EP300: variants seen among roughly 807,000 people sequenced by gnomAD.
EP300 encodes the protein EP300 lysine acetyltransferase.
EP300 carries 31 observed loss-of-function variants against 264.0 expected under a neutral mutation model. The observed-to-expected ratio is 0.12, with a 90% CI of 0.09 to 0.16. EP300 has a LOEUF of 0.16. EP300 is among the 10% of genes least tolerant of loss of function. The pLI, the probability that EP300 is intolerant of heterozygous loss-of-function variation, is 1.00. For synonymous variants in EP300, 1,340 were observed against 1,045.4 expected (o/e 1.28, Z -5.44); for missense variants, 2,766 against 3,052.9 (o/e 0.91, Z 2.21).
intron 27 of EP300, among the ~76,000 whole-genome samples, chr22:41,170,815 T>C (rs1340426037): frequency 2.0e-5 from 3 of 151,736 alleles, no homozygotes; most frequent in Admixed American, 2.0e-4. Flanking sequence ...GCTCCTGCCA[T>C]CACACCCGGC....
At chr22:41,120,874 C>T (rs2058848544) in intron 2 of EP300, among the ~76,000 whole-genome samples, 1 of 152,130 alleles carries the variant, frequency 6.6e-6, no homozygotes, top group East Asian at 1.9e-4. Context: ...ACTGTCATGC[C>T]CTGCCAGTTA....
chr22:41,138,177 T>G (rs919499740), intron 8 of EP300, among the ~76,000 whole-genome samples: 4 of 152,180 alleles, frequency 2.6e-5, no homozygotes, highest in Non-Finnish European at 5.9e-5. Context: ...GTTTTTTGTT[T>G]GTTTGAGATG....
rs2145524889 is a variant in EP300, at chr22:41,178,935, G to C, written c.7224G>C (p.Gln2408His). 6.2e-7 allele frequency: 1 copy of C among 1,614,024 alleles called. No homozygotes were observed. The highest frequency in any genetic ancestry group is 8.5e-7 in the Non-Finnish European group (1 of 1,180,032). The change falls in exon 31 of 31, where the codon CAG (glutamine) becomes CAC (histidine). Residue 2408 changes from glutamine to histidine, a missense_variant. By Grantham distance (24) the Gln-to-His change is conservative (BLOSUM62 0). Coordinates refer to ENST00000263253, the MANE Select transcript of EP300 (RefSeq NM_001429.4). ...CAGACTTGAATTCAAACCTCTCACA[G>C]AGTACACTAGACATACACTAGAGAC... ...DNSDLNSNLS[Q>H]STLDIH
intron 2 of EP300, among the ~76,000 whole-genome samples, chr22:41,121,851 TTTA>T (rs1478846150): frequency 6.6e-6 from 1 of 152,164 alleles, no homozygotes; most frequent in African/African-American, 2.4e-5. Flanking sequence ...GTCTTAGTCT[TTTA>T]TTGTTTGTCA....
chr22:41,156,518 G>A (rs1007936697), intron 17 of EP300, among the ~76,000 whole-genome samples: 2 of 152,056 alleles, frequency 1.3e-5, no homozygotes, highest in African/African-American at 4.8e-5. Context: ...TTCAGGAGTT[G>A]GAGACCAGCC....
intron 7 of EP300, 103 bp downstream of exon 7, chr22:41,136,009 CTT>C (rs1181429433): frequency 2.3e-6 from 2 of 879,158 alleles, no homozygotes; most frequent in African/African-American, 3.3e-5. Flanking sequence ...TTGAGGATGT[CTT>C]TGAATACAGA....
At chr22:41,169,886 C>T (rs2059160491) in intron 26 of EP300, among the ~76,000 whole-genome samples, 1 of 152,142 alleles carries the variant, frequency 6.6e-6, no homozygotes, top group African/African-American at 2.4e-5. Flanking sequence ...GATTTGTGCC[C>T]CTCATTTGAG....
At chr22:41,169,763 C>G in intron 26 of EP300, 147 bp downstream of exon 26, 2 of 643,778 alleles carry the variant, frequency 3.1e-6, no homozygotes, top group South Asian at 3.5e-5. Flanking sequence ...TGTTGGAGCC[C>G]CTTTGAAGTT....
At chr22:41,109,662 A>AGTAG (rs1414083945) in intron 1 of EP300, among the ~76,000 whole-genome samples, 1 of 152,126 alleles carries the variant, frequency 6.6e-6, no homozygotes, top group Non-Finnish European at 1.5e-5. Context: ...AATAACATGA[A>AGTAG]GTAGGCACTT....
chr22:41,118,395 T>C (rs1221805272), intron 2 of EP300, among the ~76,000 whole-genome samples: 1 of 152,234 alleles, frequency 6.6e-6, no homozygotes, highest in Non-Finnish European at 1.5e-5. Context: ...TTTAAACTTT[T>C]AAATGTGGAT....
In EP300 at chr22:41,177,306, C is replaced by G. The variant is rs2059206406; in HGVS notation, c.5595C>G (p.Thr1865=). ...PTTPTGQQPT[T]PQTPQPTSQP... Reference sequence around the variant, plus strand: ...CACCAACTGGCCAACAGCCAACCACCCCGCAGACGCCCCAGCCCACTTCTC... The same window carrying G: ...CACCAACTGGCCAACAGCCAACCACGCCGCAGACGCCCCAGCCCACTTCTC... Residue 1865 remains threonine (T), a synonymous_variant, in exon 31 of 31, where the codon ACC becomes ACG. Coordinates refer to ENST00000263253, the MANE Select transcript of EP300 (RefSeq NM_001429.4). 1 of 1,614,104 alleles carries G rather than the reference C, an allele frequency of 6.2e-7. No homozygotes were observed. Among genetic ancestry groups the G allele is most frequent in the Non-Finnish European group, 8.5e-7 (1 of 1,180,034 alleles).
intron 1 of EP300, among the ~76,000 whole-genome samples, chr22:41,113,193 A>C (rs569147877): frequency 4.7e-5 from 6 of 127,182 alleles, no homozygotes; most frequent in Non-Finnish European, 6.3e-5. Flanking sequence ...TTTGTTGGAG[A>C]AACTGGGACA....
Position 41,158,399 on chromosome 22 carries a change from G to A in EP300, c.3502-13G>A, listed in dbSNP as rs547213630. On this transcript the variant is annotated splice_polypyrimidine_tract_variant and intron_variant, in intron 18 of 30. Transcript: ENST00000263253. Reference sequence around the variant, plus strand: ...AGGCCTCTGTGCTTTTTAACAAATGGTTTCTTTTGCAGTTGGAGTTCTCTC... The same window carrying A: ...AGGCCTCTGTGCTTTTTAACAAATGATTTCTTTTGCAGTTGGAGTTCTCTC... 1.9e-4 allele frequency: 301 copies of A among 1,613,364 alleles called. 1 individual carries two copies. Among genetic ancestry groups the A allele is most frequent in the South Asian group, 8.1e-4 (74 of 90,998 alleles).
chr22:41,148,043 A>G, intron 12 of EP300, 97 bp downstream of exon 12: 1 of 866,362 alleles, frequency 1.2e-6, no homozygotes, highest in South Asian at 1.8e-5. Context: ...TCATTTAAAC[A>G]GACCATAACT....
intron 22 of EP300, among the ~76,000 whole-genome samples, chr22:41,166,307 TTCTCC>T (rs2059133821): frequency 6.6e-6 from 1 of 152,214 alleles, no homozygotes; most frequent in Non-Finnish European, 1.5e-5. Flanking sequence ...CTTAGGATTT[TTCTCC>T]CCTATCACAT....
At chr22:41,112,522 A>G (rs1050391471) in intron 1 of EP300, among the ~76,000 whole-genome samples, 2 of 152,022 alleles carry the variant, frequency 1.3e-5, no homozygotes, top group Non-Finnish European at 2.9e-5. Flanking sequence ...TATTTTCTTT[A>G]TCCTTTGTTA....
chr22:41,124,808 A>G (rs563280893), intron 2 of EP300, among the ~76,000 whole-genome samples: 1 of 152,268 alleles, frequency 6.6e-6, no homozygotes, highest in African/African-American at 2.4e-5. Flanking sequence ...AAGTATTTCT[A>G]AAACATCTTT....
chr22:41,159,989 T>G (rs2059098767), intron 19 of EP300: 1 of 139,066 alleles, frequency 7.2e-6, no homozygotes, highest in South Asian at 2.5e-4. Flanking sequence ...TGTTTTAGAT[T>G]ATTGTTTTCT....
intron 28 of EP300, 93 bp from the exon 29 acceptor site, chr22:41,173,530 A>G (rs919411653): frequency 7.9e-6 from 10 of 1,271,760 alleles, no homozygotes; most frequent in East Asian, 2.4e-5. Flanking sequence ...TAAGATTATG[A>G]TATCTAGTTT....
Sources: allele counts gnomAD v4.1 joint callset (sites outside exome capture counted in the v4.1 genomes callset), GRCh38; gene constraint gnomAD v4.1.1; transcripts MANE v1.5; gene names NCBI Gene and HGNC (gene_info 2026-07-23, HGNC 2026-07-21).